DHX37: variants seen among roughly 807,000 people sequenced by gnomAD.
DHX37 encodes the protein probable ATP-dependent RNA helicase DHX37.
Under a neutral mutation model 134.3 loss-of-function variants are expected in DHX37, and 52 were observed. That is an observed-to-expected ratio of 0.39 (90% CI 0.31 to 0.49). DHX37 has a LOEUF of 0.49. Among genes scored for constraint, DHX37 ranks in the 20% least tolerant of loss-of-function variants. DHX37 has a pLI of 0.93. For missense variants in DHX37, 1,344 were observed against 1,580.8 expected (o/e 0.85, Z 2.54); for synonymous variants, 634 against 670.7 (o/e 0.95, Z 0.85).
At chr12:124,987,987 C>CTTTTTTTTTT (rs11349687) in intron 1 of DHX37, among the ~76,000 whole-genome samples, 1 of 79,696 alleles carries the variant, frequency 1.3e-5, no homozygotes, top group Non-Finnish European at 2.2e-5. Flanking sequence ...GTCTGTGGAA[C>CTTTTTTTTTT]TTTTTTTTTT....
At chr12:124,953,702 A>G in intron 20 of DHX37, 178 bp downstream of exon 20, 1 of 1,125,070 alleles carries the variant, frequency 8.9e-7, no homozygotes, top group African/African-American at 1.6e-5. Context: ...TGCCCTGCTC[A>G]TGTGCACATT....
intron 2 of DHX37, among the ~76,000 whole-genome samples, chr12:124,983,372 C>T (rs780206247): frequency 1.3e-5 from 2 of 151,004 alleles, no homozygotes; most frequent in African/African-American, 4.9e-5. Flanking sequence ...TCTGGGATTA[C>T]AAGCGTGAGC....
Position 124,968,630 on chromosome 12 carries a change from G to A in DHX37, c.1312C>T (p.Pro438Ser). ...CGCTTGTTGAAATGCACAGTCACTG[G>A]GAACTGCCTGGATTCCACCTGTGGG... ...PVIKVESRQF[P>S]VTVHFNKRTP... Residue 438 changes from proline to serine, a missense_variant, in exon 10 of 27, where the codon CCA (proline) becomes TCA (serine). Pro to Ser is a moderately conservative substitution (Grantham distance 74). This residue lies in a region of DHX37 where 289 missense variants were observed against 323.8 expected (regional missense o/e 0.89). Coordinates refer to ENST00000308736, the MANE Select transcript of DHX37 (RefSeq NM_032656.4). 6.2e-7 allele frequency: 1 copy of A among 1,614,090 alleles called. No individual in the cohort carries two copies. The highest frequency in any genetic ancestry group is 8.5e-7 in the Non-Finnish European group (1 of 1,180,046).
intron 4 of DHX37, among the ~76,000 whole-genome samples, chr12:124,979,580 G>A (rs974802198): frequency 2.0e-5 from 3 of 152,168 alleles, no homozygotes; most frequent in African/African-American, 7.2e-5. Context: ...CTGGAATAAC[G>A]TAAAGGACAT....
At position 124,977,476 on chromosome 12, in the gene DHX37, C is replaced by A; in HGVS notation, c.753G>T (p.Lys251Asn). 6.2e-7 allele frequency: 1 copy of A among 1,602,614 alleles called. No homozygotes were observed. The stretch of plus-strand genomic sequence containing the variant: ...CTTGTTCTTCGGAGAGAATTGGGAG[C>A]TTCAGCCGTTCCTCCTGGAAGGAGA... ...RSPEMQEERL[K>N]LPILSEEQVI... Residue 251 changes from lysine (K) to asparagine (N), a missense_variant, in exon 5 of 27, where the codon AAG becomes AAT. By Grantham distance (94) the Lys-to-Asn change is moderately conservative. Transcript: ENST00000308736.
Position 124,967,561 on chromosome 12 carries a change from C to T in DHX37, c.1409-343G>A, listed in dbSNP as rs147067911. ...CCTGAGGCTGCAGGAAGGCTCACTG[C>T]CCAAGCTCCAGCCTCACCTCCTGCC... On this transcript the variant is annotated intron_variant, in intron 10 of 26. Transcript: ENST00000308736. Among the ~76,000 whole-genome samples the T allele has an allele frequency of 4.7e-3, 720 of 152,288 alleles. 6 individuals carry two copies. Among genetic ancestry groups the T allele is most frequent in the African/African-American group, 0.016 (675 of 41,552 alleles).
In DHX37 at chr12:124,971,351, G is replaced by A. The variant is rs375865870; in HGVS notation, c.1142C>T (p.Thr381Met). The part of the protein sequence containing the change: ...IDEAHERSVY[T>M]DILIGLLSRI... Reference sequence around the variant, plus strand: ...GGACAGGAGGCCGATGAGGATGTCCGTGTACACGCTCCTCTCGTGGGCCTC... The same window carrying A: ...GGACAGGAGGCCGATGAGGATGTCCATGTACACGCTCCTCTCGTGGGCCTC... The change falls in exon 8 of 27, where the codon ACG (threonine) becomes ATG (methionine). Residue 381 changes from threonine (T) to methionine (M), a missense_variant. Coordinates refer to ENST00000308736, the MANE Select transcript of DHX37 (RefSeq NM_032656.4). 1.8e-5 allele frequency: 29 copies of A among 1,613,302 alleles called. No homozygotes were observed. Among genetic ancestry groups the A allele is most frequent in the African/African-American group, 1.6e-4 (12 of 74,922 alleles).
intron 6 of DHX37, 112 bp from the exon 7 acceptor site, chr12:124,972,711 G>C (rs111367823): frequency 3.2e-6 from 3 of 943,312 alleles, no homozygotes; most frequent in Non-Finnish European, 5.1e-6. Context: ...GGCAGGGCCC[G>C]CTGGCAACCT....
chr12:124,962,217 A>G (rs547365482), intron 15 of DHX37, among the ~76,000 whole-genome samples: 1 of 151,986 alleles, frequency 6.6e-6, no homozygotes. Flanking sequence ...CTCAAAAAAA[A>G]CCCCAGCAAA....
intron 2 of DHX37, among the ~76,000 whole-genome samples, chr12:124,982,903 GAT>G (rs2135970236): frequency 6.6e-6 from 1 of 152,258 alleles, no homozygotes; most frequent in Admixed American, 6.5e-5. Flanking sequence ...ATCAACAGGA[GAT>G]GAATAAAGCA....
intron 3 of DHX37, among the ~76,000 whole-genome samples, chr12:124,981,425 G>C (rs751952725): frequency 6.6e-6 from 1 of 152,130 alleles, no homozygotes; most frequent in Non-Finnish European, 1.5e-5. Context: ...TGGTGTGGCC[G>C]GATCGTCCAA....
rs184583733 is a variant in DHX37, at chr12:124,985,503, G to A, written c.276+593C>T. Among the ~76,000 whole-genome samples, 1,507 of 151,386 alleles carry A rather than the reference G, an allele frequency of 1.0e-2. 15 individuals are homozygous for A. The highest frequency in any genetic ancestry group is 0.015 in the Non-Finnish European group (1,010 of 67,940). On this transcript the variant is annotated intron_variant, in intron 2 of 26. Coordinates refer to ENST00000308736, the MANE Select transcript of DHX37 (RefSeq NM_032656.4). The stretch of plus-strand genomic sequence containing the variant: ...TGTAATCCCAGCACTTTGGGAGGCC[G>A]AGGCGGGCGGATCACGAGGTCAGGA...
At chr12:124,971,227 A>G in intron 8 of DHX37, 75 bp downstream of exon 8, 1 of 1,554,462 alleles carries the variant, frequency 6.4e-7, no homozygotes, top group Non-Finnish European at 8.7e-7. Flanking sequence ...GAACAGGTGA[A>G]GGAAGCCCAA....
Position 124,960,388 on chromosome 12 carries a change from T to C in DHX37, c.2081A>G (p.Gln694Arg). 6.2e-7 allele frequency: 1 copy of C among 1,614,138 alleles called. No individual in the cohort carries two copies. The highest frequency in any genetic ancestry group is 1.1e-5 in the South Asian group (1 of 91,088). ...CCGGGTGATTTCTGGAGGAGGAAACTGCTCGAAGTCACCAAAAACCGCAGA... is the reference window on the plus strand; with the variant it reads ...CCGGGTGATTTCTGGAGGAGGAAACCGCTCGAAGTCACCAAAAACCGCAGA... ...YSSAVFGDFE[Q>R]FPPPEITRRP... The change falls in exon 16 of 27, where the codon CAG becomes CGG. Residue 694 changes from glutamine to arginine, a missense_variant. Around this residue, in one of 7 missense-constraint regions of DHX37, gnomAD observed 558 missense variants for 650.0 expected, o/e 0.86. Coordinates refer to ENST00000308736, the MANE Select transcript of DHX37 (RefSeq NM_032656.4).
intron 16 of DHX37, among the ~76,000 whole-genome samples, chr12:124,957,753 C>A (rs904104951): frequency 6.6e-6 from 1 of 152,166 alleles, no homozygotes; most frequent in Non-Finnish European, 1.5e-5. Context: ...CACCACTGTA[C>A]TCCAGCCTGG....
intron 21 of DHX37, 115 bp downstream of exon 21, chr12:124,952,283 A>G (rs1332988572): frequency 2.7e-6 from 3 of 1,103,140 alleles, no homozygotes; most frequent in East Asian, 2.9e-5. Context: ...CTTGTTCCTC[A>G]GTGGGGACCC....
At chr12:124,970,239 G>C (rs1021637652) in intron 8 of DHX37, among the ~76,000 whole-genome samples, 1 of 152,226 alleles carries the variant, frequency 6.6e-6, no homozygotes, top group African/African-American at 2.4e-5. Context: ...ATCCCACAGT[G>C]CTGGGATTAC....
rs372580734 is a variant in DHX37 at position 124,971,297 on chromosome 12, G to A, written c.1191+5C>T. 2.9e-5 allele frequency: 46 copies of A among 1,611,772 alleles called. No individual in the cohort carries two copies. In the African/African-American group the frequency reaches 3.2e-4, roughly 11 times the overall value. On this transcript the variant is annotated splice_donor_5th_base_variant and intron_variant, in intron 8 of 26. Coordinates refer to ENST00000308736, the MANE Select transcript of DHX37 (RefSeq NM_032656.4). ...GGGCTCCCCAGCACCCGCCTCCTGC[G>A]CTACCTTAGCCCGGAGAGTCACAAT...
intron 16 of DHX37, among the ~76,000 whole-genome samples, chr12:124,957,655 C>T (rs1225317774): frequency 1.3e-5 from 2 of 152,064 alleles, no homozygotes; most frequent in East Asian, 1.9e-4. Flanking sequence ...GGTGTGGTGG[C>T]GCTCGCCTGT....
Sources: allele counts gnomAD v4.1 joint callset (sites outside exome capture counted in the v4.1 genomes callset), GRCh38; gene constraint gnomAD v4.1.1; regional missense constraint gnomAD v4.1.1; transcripts MANE v1.5; gene names NCBI Gene and HGNC (gene_info 2026-07-23, HGNC 2026-07-21).